Variants in PLD5 observed in about 807,000 individuals in gnomAD.
PLD5 encodes inactive phospholipase D5.
Under a neutral mutation model 61.1 loss-of-function variants are expected in PLD5, and 36 were observed. That is an observed-to-expected ratio of 0.59 (90% CI 0.45 to 0.78). The LOEUF (loss-of-function observed/expected upper bound fraction) is 0.78, where lower values mean the gene tolerates loss of function less well. Ranked by LOEUF, PLD5 falls within the 30% of genes least tolerant of loss-of-function variation. The probability of loss-of-function intolerance (pLI) is 0.00; values close to 1 mark genes in which losing one functional copy is unlikely to be tolerated. For synonymous variants in PLD5, 243 were observed against 242.8 expected, an observed-to-expected ratio of 1.00 and a Z score of -0.01; for missense variants, 515 against 644.4, an observed-to-expected ratio of 0.80 and a Z score of 2.17.
chr1:242,127,279 T>C (rs1662872100), intron 5 of PLD5, among the ~76,000 whole-genome samples: 1 of 152,212 alleles, frequency 6.6e-6, no homozygotes, highest in African/African-American at 2.4e-5. Flanking sequence ...GAACTACCAT[T>C]GGATCCAGCA....
At position 242,217,662 on chromosome 1, in the gene PLD5, C is replaced by T. The variant is rs577822389; in HGVS notation, c.735+2326G>A. On this transcript the variant is annotated intron_variant, in intron 5 of 9. Coordinates refer to ENST00000536534, the MANE Select transcript of PLD5 (RefSeq NM_001372062.1). ...TTTGGGATTTACGGGAGAAGGTCAA[C>T]ATATCAACATTAACGGGAGTTTGGA... 7.2e-5 allele frequency among the ~76,000 whole-genome samples: 11 copies of T among 152,270 alleles called. No individual in the cohort carries two copies. In the South Asian group the frequency reaches 1.4e-3, roughly 20 times the overall value.
At chr1:242,320,304 A>AT (rs1158032676) in intron 2 of PLD5, among the ~76,000 whole-genome samples, 1 of 152,196 alleles carries the variant, frequency 6.6e-6, no homozygotes, top group African/African-American at 2.4e-5. Flanking sequence ...ACTTGTAGAC[A>AT]TTTTTCTGAC....
At chr1:242,131,473 G>A (rs1463017126) in intron 5 of PLD5, among the ~76,000 whole-genome samples, 1 of 152,168 alleles carries the variant, frequency 6.6e-6, no homozygotes, top group Non-Finnish European at 1.5e-5. Context: ...GAGAAGCAAT[G>A]CTAATTAATT....
upstream of PLD5, among the ~76,000 whole-genome samples, chr1:242,526,679 G>A (rs1045518694): frequency 1.1e-4 from 16 of 152,098 alleles, no homozygotes; most frequent in African/African-American, 3.4e-4. Context: ...CAGCCTCGGC[G>A]TCCCAAAGTG....
In PLD5 at chr1:242,521,759, T is replaced by A. The variant is rs1468399013; in HGVS notation, c.189+2329A>T. Reference sequence around the variant, plus strand: ...CATCCTAATCCCTGCAACATATGAATCAGAAGGTACCATATATGTTCAGAA... The same window carrying A: ...CATCCTAATCCCTGCAACATATGAAACAGAAGGTACCATATATGTTCAGAA... On this transcript the variant is annotated intron_variant, in intron 1 of 9. Transcript: ENST00000536534. Among the ~76,000 whole-genome samples, 4 of 123,308 alleles carry A rather than the reference T, an allele frequency of 3.2e-5. No individual in the cohort carries two copies. The East Asian group carries it at 7.9e-4, about 24-fold the overall frequency. 80.9% of individuals were successfully genotyped at this position (123,308 alleles called of 152,430 possible).
chr1:242,257,373 C>T (rs1271050989), intron 4 of PLD5, among the ~76,000 whole-genome samples: 3 of 152,116 alleles, frequency 2.0e-5, no homozygotes, highest in African/African-American at 7.2e-5. Context: ...ATGTTTGATT[C>T]CAACAGACTG....
rs1659621063 is a variant in PLD5, at chr1:242,089,118, A to ATTCACCT, written c.*735_*736insAGGTGAA. 2.6e-6 allele frequency: 1 copy of ATTCACCT among 388,582 alleles called. No homozygotes were observed. Among genetic ancestry groups the ATTCACCT allele is most frequent in the Non-Finnish European group, 4.5e-6 (1 of 220,144 alleles). 24.1% of individuals were successfully genotyped at this position (388,582 alleles called of 1,614,324 possible). ...TACCAATTCGGTAGGGGAAAAAAGG[A>ATTCACCT]TTCAGTTGAAAGGTGAAAATGAAAG... On this transcript the variant is annotated 3_prime_UTR_variant, in exon 10 of 10. Coordinates refer to ENST00000536534, the MANE Select transcript of PLD5 (RefSeq NM_001372062.1).
intron 2 of PLD5, among the ~76,000 whole-genome samples, chr1:242,320,928 G>T (rs1386810039): frequency 6.6e-6 from 1 of 152,124 alleles, no homozygotes; most frequent in African/African-American, 2.4e-5. Flanking sequence ...AGAAAAGGAT[G>T]CAGGAAAAAT....
intron 1 of PLD5, among the ~76,000 whole-genome samples, chr1:242,429,142 A>C (rs150428124): frequency 2.0e-3 from 308 of 152,368 alleles, no homozygotes; most frequent in Non-Finnish European, 3.3e-3. Flanking sequence ...TGCCACGAAT[A>C]ATATTGAAAT....
rs1659367354 is a variant in PLD5, at chr1:242,084,484, T to G, written c.*5370A>C. 6.6e-6 allele frequency: 1 copy of G among 152,126 alleles called. No homozygotes were observed. The highest frequency in any genetic ancestry group is 2.4e-5 in the African/African-American group (1 of 41,406). 9.4% of individuals were successfully genotyped at this position (152,126 alleles called of 1,614,324 possible). A position where few individuals can be genotyped will look rare whatever the true frequency, so the allele number is the denominator to read the frequency against. ...ACCATATAAAGCACTCCAAATTGTT[T>G]GGCTCAAGTAGGTTTTCAGCTTCTC... On this transcript the variant is annotated 3_prime_UTR_variant, in exon 10 of 10. Transcript: ENST00000536534.
At chr1:242,370,766 C>T (rs1321868720) in intron 1 of PLD5, among the ~76,000 whole-genome samples, 2 of 152,072 alleles carry the variant, frequency 1.3e-5, no homozygotes, top group Admixed American at 1.3e-4. Context: ...GTTCTCTATC[C>T]CCCTCCCCTA....
intron 5 of PLD5, among the ~76,000 whole-genome samples, chr1:242,173,792 T>G (rs1379474314): frequency 2.0e-5 from 3 of 152,096 alleles, no homozygotes; most frequent in Admixed American, 2.0e-4. Context: ...AAACAAGAAA[T>G]GGGGAAAGGA....
intron 2 of PLD5, among the ~76,000 whole-genome samples, chr1:242,342,952 C>T (rs1659922065): frequency 6.6e-6 from 1 of 151,908 alleles, no homozygotes. Context: ...TAAAACAAGA[C>T]AAAAAATCAT....
chr1:242,492,955 G>T (rs1668215521), intron 1 of PLD5, among the ~76,000 whole-genome samples: 2 of 152,120 alleles, frequency 1.3e-5, no homozygotes, highest in African/African-American at 2.4e-5. Flanking sequence ...TGGGAGGTAG[G>T]ATTTCAATAT....
At chr1:242,458,861 A>G (rs528189599) in intron 1 of PLD5, among the ~76,000 whole-genome samples, 19 of 152,330 alleles carry the variant, frequency 1.2e-4, no homozygotes, top group Admixed American at 1.0e-3. Context: ...TTTCCCTTCT[A>G]TCCATGTTAT....
At chr1:242,196,346 G>A (rs904713664) in intron 5 of PLD5, among the ~76,000 whole-genome samples, 1 of 152,108 alleles carries the variant, frequency 6.6e-6, no homozygotes, top group Non-Finnish European at 1.5e-5. Flanking sequence ...TGGGGAAGGT[G>A]GAATCATCCC....
chr1:242,405,330 G>A (rs1428409867), intron 1 of PLD5, among the ~76,000 whole-genome samples: 3 of 152,134 alleles, frequency 2.0e-5, no homozygotes, highest in African/African-American at 7.2e-5. Context: ...GGCAATGTCT[G>A]AGGCATTTCT....
intron 8 of PLD5, among the ~76,000 whole-genome samples, chr1:242,106,436 A>C (rs1661061829): frequency 6.6e-6 from 1 of 152,192 alleles, no homozygotes; most frequent in Non-Finnish European, 1.5e-5. Flanking sequence ...CCCGTGTACC[A>C]GGAACTTCAG....
intron 6 of PLD5, among the ~76,000 whole-genome samples, chr1:242,122,284 C>A (rs1558243637): frequency 6.6e-6 from 1 of 152,062 alleles, no homozygotes; most frequent in African/African-American, 2.4e-5. Context: ...GCTTTAAAAT[C>A]AACAAAAAAC....
Sources: gnomAD v4.1 joint callset for allele counts (sites outside exome capture counted in the v4.1 genomes callset) on GRCh38, gnomAD v4.1.1 for gene constraint, MANE v1.5 for transcripts, NCBI Gene and HGNC (gene_info 2026-07-23, HGNC 2026-07-21) for gene names.